The following TM9SF2 variants were observed in gnomAD, a reference collection of about 807,000 sequenced individuals.
TM9SF2 encodes the protein transmembrane 9 superfamily member 2, also known as 76 kDa membrane protein.
A neutral mutation model predicts 84.9 loss-of-function variants in TM9SF2; 13 were observed. That is an observed-to-expected ratio of 0.15 (90% CI 0.10 to 0.24). TM9SF2 has a LOEUF of 0.24. Ranked by LOEUF, TM9SF2 falls within the 10% of genes least tolerant of loss-of-function variation. TM9SF2 has a pLI of 1.00. For synonymous variants in TM9SF2, 273 were observed against 285.8 expected (o/e 0.96, Z 0.45); for missense variants, 562 against 818.5 (o/e 0.69, Z 3.82).
chr13:99,517,829 C>A (rs1594047449), intron 2 of TM9SF2, 148 bp downstream of exon 2: 4 of 291,910 alleles, frequency 1.4e-5, no homozygotes. Flanking sequence ...AAAATGTGAT[C>A]TTTTTTTTAA....
At chr13:99,552,029 T>C (rs1324377683) in intron 12 of TM9SF2, 138 bp from the exon 13 acceptor site, 1 of 849,468 alleles carries the variant, frequency 1.2e-6, no homozygotes, top group Non-Finnish European at 1.7e-6. Context: ...AAGTTTTACA[T>C]TCAGACATCC....
chr13:99,516,883 A>T (rs755343767), intron 1 of TM9SF2, among the ~76,000 whole-genome samples: 8 of 152,138 alleles, frequency 5.3e-5, no homozygotes, highest in East Asian at 1.9e-4. Flanking sequence ...ACTTGGCAGC[A>T]TTTCTTGGTT....
At chr13:99,510,159 C>T (rs768330828) in intron 1 of TM9SF2, among the ~76,000 whole-genome samples, 1 of 152,188 alleles carries the variant, frequency 6.6e-6, no homozygotes, top group Non-Finnish European at 1.5e-5. Context: ...CAGTAACCTT[C>T]TCATTTCCAT....
At position 99,501,747 on chromosome 13, in the gene TM9SF2, C is replaced by T; in HGVS notation, c.141C>T (p.Cys47=). The change falls in exon 1 of 17, where the codon TGC becomes TGT. Residue 47 remains cysteine (C), a synonymous_variant. Transcript: ENST00000376387. ...CCGGCCTGGCGCCCGTCAACTTCTG[C>T]GACGAAGAAAAAAAGAGCGACGAGT... ...YLPGLAPVNF[C]DEEKKSDECK... 3.7e-6 allele frequency: 6 copies of T among 1,611,088 alleles called. No homozygotes were observed. Among genetic ancestry groups the T allele is most frequent in the Non-Finnish European group, 5.1e-6 (6 of 1,179,312 alleles).
intron 5 of TM9SF2, among the ~76,000 whole-genome samples, chr13:99,537,500 CT>C (rs1168612240): frequency 5.3e-5 from 8 of 151,992 alleles, no homozygotes; most frequent in African/African-American, 1.7e-4. Flanking sequence ...GATTAGTGTT[CT>C]TTTGAATTGG....
intron 4 of TM9SF2, among the ~76,000 whole-genome samples, chr13:99,534,067 T>A (rs1005664109): frequency 3.3e-5 from 5 of 152,234 alleles, no homozygotes; most frequent in African/African-American, 1.2e-4. Context: ...TTCCTGAAAC[T>A]ATTGCTTTGA....
At chr13:99,526,865 G>T (rs1434469156) in intron 3 of TM9SF2, among the ~76,000 whole-genome samples, 1 of 152,112 alleles carries the variant, frequency 6.6e-6, no homozygotes, top group Admixed American at 6.5e-5. Flanking sequence ...GAGTAGGGGC[G>T]GTGTGGTCTG....
At chr13:99,546,029 C>T (rs1284189379) in intron 10 of TM9SF2, among the ~76,000 whole-genome samples, 2 of 152,144 alleles carry the variant, frequency 1.3e-5, no homozygotes, top group East Asian at 3.9e-4. Flanking sequence ...AACTTTCTGC[C>T]GAAGGGCAGT....
intron 6 of TM9SF2, among the ~76,000 whole-genome samples, chr13:99,538,503 A>T (rs1293963398): frequency 1.3e-5 from 2 of 151,886 alleles, no homozygotes; most frequent in African/African-American, 4.8e-5. Context: ...TTTTTTAAAT[A>T]AGATTATTTA....
intron 1 of TM9SF2, among the ~76,000 whole-genome samples, chr13:99,510,306 G>GT (rs1465971760): frequency 6.6e-6 from 1 of 152,136 alleles, no homozygotes; most frequent in Non-Finnish European, 1.5e-5. Context: ...AACTCTGCCT[G>GT]TTTCCCAGTT....
At chr13:99,540,575 C>T in intron 7 of TM9SF2, 139 bp from the exon 8 acceptor site, 1 of 472,566 alleles carries the variant, frequency 2.1e-6, no homozygotes, top group Non-Finnish European at 3.7e-6. Flanking sequence ...CTCCAAATCT[C>T]AGGACTAACC....
intron 2 of TM9SF2, 58 bp downstream of exon 2, chr13:99,517,739 A>G: frequency 1.6e-6 from 2 of 1,217,358 alleles, no homozygotes; most frequent in Non-Finnish European, 2.3e-6. Context: ...AGAATTTTGT[A>G]CATTGAGAAC....
rs1344314428 is a variant in TM9SF2 at position 99,536,834 on chromosome 13, G to A, written c.591+97G>A. 3 of 1,380,344 alleles carry A rather than the reference G, an allele frequency of 2.2e-6. No individual in the cohort carries two copies. The East Asian group carries it at 7.1e-5, about 33-fold the overall frequency. The allele number at this position is 1,380,344 out of a possible 1,614,324, so 85.5% of individuals were successfully genotyped here. On this transcript the variant is annotated intron_variant, in intron 5 of 16. Coordinates refer to ENST00000376387, the MANE Select transcript of TM9SF2 (RefSeq NM_004800.3). ...AAAAATTGTTATATTCATTGAATGA[G>A]TGTACAGTTCAGATGTTCTGAAGTA...
chr13:99,554,187 T>C, intron 13 of TM9SF2, 117 bp from the exon 14 acceptor site: 1 of 1,241,252 alleles, frequency 8.1e-7, no homozygotes. Context: ...AAGTAGACTT[T>C]ATTGCCATTA....
chr13:99,509,541 G>A lies in TM9SF2; in HGVS notation c.171+7764G>A, dbSNP rs114482255. 3.8e-3 allele frequency among the ~76,000 whole-genome samples: 584 copies of A among 152,276 alleles called. 5 individuals carry two copies. Among genetic ancestry groups the A allele is most frequent in the African/African-American group, 0.013 (530 of 41,550 alleles). On this transcript the variant is annotated intron_variant, in intron 1 of 16. Coordinates refer to ENST00000376387, the MANE Select transcript of TM9SF2 (RefSeq NM_004800.3). ...CCACATGGAAGCCACCAAGACTTAC[G>A]GCTTGCATTCTGTAAATGGCAGCCC...
At chr13:99,536,861 A>G (rs1270444963) in intron 5 of TM9SF2, 124 bp downstream of exon 5, 2 of 1,011,482 alleles carry the variant, frequency 2.0e-6, no homozygotes, top group African/African-American at 1.6e-5. Flanking sequence ...TCTGAAGTAC[A>G]ACTACTTCAA....
intron 4 of TM9SF2, among the ~76,000 whole-genome samples, chr13:99,534,967 T>C (rs1278142223): frequency 1.3e-5 from 2 of 152,118 alleles, no homozygotes; most frequent in South Asian, 2.1e-4. Context: ...CCTGGCAACA[T>C]AGTGAGACCC....
In TM9SF2 at chr13:99,532,145, G is replaced by A. The variant is rs577310886; in HGVS notation, c.461+2551G>A. Among the ~76,000 whole-genome samples, 193 of 151,296 alleles carry A rather than the reference G, an allele frequency of 1.3e-3. 2 individuals are homozygous for A. Among genetic ancestry groups the A allele is most frequent in the African/African-American group, 4.3e-3 (178 of 41,238 alleles). On this transcript the variant is annotated intron_variant, in intron 4 of 16. Transcript: ENST00000376387. ...CGGCTCACTGCAAGCTCCGCCTCCC[G>A]GGTCCACGCCATTCTCCTGCCTCAG... is the stretch of plus-strand genomic sequence containing the variant.
intron 3 of TM9SF2, among the ~76,000 whole-genome samples, chr13:99,528,497 C>G (rs748184814): frequency 1.6e-4 from 24 of 152,190 alleles, no homozygotes; most frequent in African/African-American, 2.4e-5. Context: ...GTTGACTCAC[C>G]TAATGAAGTG....
Sources: gnomAD v4.1 joint callset for allele counts (sites outside exome capture counted in the v4.1 genomes callset) on GRCh38, gnomAD v4.1.1 for gene constraint, MANE v1.5 for transcripts, NCBI Gene and HGNC (gene_info 2026-07-23, HGNC 2026-07-21) for gene names.